SGCZ: variants seen among roughly 807,000 people sequenced by gnomAD.
SGCZ encodes sarcoglycan zeta.
In SGCZ, 40 loss-of-function variants were observed where a neutral mutation model predicts 41.3. That is an observed-to-expected ratio of 0.97 (90% CI 0.75 to 1.26). The LOEUF (loss-of-function observed/expected upper bound fraction) is 1.26. Among genes scored for constraint, SGCZ ranks in the 50% most tolerant of loss-of-function variants. SGCZ has a pLI of 0.00. For synonymous variants in SGCZ, 206 were observed against 137.5 expected (o/e 1.50, Z -3.49); for missense variants, 552 against 369.8 (o/e 1.49, Z -4.04).
At chr8:14,249,958 T>G (rs141219215) in intron 3 of SGCZ, among the ~76,000 whole-genome samples, 1 of 152,282 alleles carries the variant, frequency 6.6e-6, no homozygotes, top group East Asian at 1.9e-4. Context: ...TCAGACCAAA[T>G]AGCACAAGAC....
At chr8:14,535,842 A>T (rs1803277905) in intron 2 of SGCZ, among the ~76,000 whole-genome samples, 1 of 151,844 alleles carries the variant, frequency 6.6e-6, no homozygotes, top group African/African-American at 2.4e-5. Flanking sequence ...TTAGAGAAAA[A>T]TTCATGAAGT....
intron 1 of SGCZ, among the ~76,000 whole-genome samples, chr8:15,094,649 T>C (rs1185515232): frequency 6.6e-6 from 1 of 152,138 alleles, no homozygotes; most frequent in Admixed American, 6.5e-5. Context: ...AGAAGAGTGA[T>C]ATGGTTCAGT....
chr8:14,914,271 T>C (rs1175522297), intron 1 of SGCZ, among the ~76,000 whole-genome samples: 1 of 149,634 alleles, frequency 6.7e-6, no homozygotes, highest in African/African-American at 2.6e-5. Context: ...TTAACTAATG[T>C]AATAAACAAA....
intron 1 of SGCZ, among the ~76,000 whole-genome samples, chr8:14,968,301 T>G (rs558673919): frequency 2.4e-4 from 36 of 152,238 alleles, no homozygotes; most frequent in African/African-American, 7.2e-4. Flanking sequence ...TTAAAATCAC[T>G]TGAACAGACC....
chr8:14,422,586 T>C (rs533024841), intron 2 of SGCZ, among the ~76,000 whole-genome samples: 38 of 152,340 alleles, frequency 2.5e-4, no homozygotes, highest in African/African-American at 8.9e-4. Flanking sequence ...CTTTTCTGCT[T>C]ACTGTAAAAC....
intron 1 of SGCZ, among the ~76,000 whole-genome samples, chr8:14,786,051 G>C (rs1022230438): frequency 7.6e-6 from 1 of 131,782 alleles, no homozygotes; most frequent in African/African-American, 3.7e-5. Flanking sequence ...AGACTTTATT[G>C]TCCTAATTTC....
At chr8:15,170,527 T>A (rs1799796180) in intron 1 of SGCZ, among the ~76,000 whole-genome samples, 1 of 152,176 alleles carries the variant, frequency 6.6e-6, no homozygotes, top group African/African-American at 2.4e-5. Flanking sequence ...GTGCCCCAAC[T>A]CTAAAGTGCT....
intron 2 of SGCZ, among the ~76,000 whole-genome samples, chr8:14,447,738 A>G (rs1371416021): frequency 6.6e-6 from 1 of 152,206 alleles, no homozygotes; most frequent in Non-Finnish European, 1.5e-5. Context: ...ATAAGTAGCC[A>G]GTGGAATGAA....
intron 4 of SGCZ, among the ~76,000 whole-genome samples, chr8:14,211,506 G>A (rs552179144): frequency 6.6e-6 from 1 of 152,238 alleles, no homozygotes; most frequent in Non-Finnish European, 1.5e-5. Context: ...AGAAACACCT[G>A]AGACTGGGTA....
intron 2 of SGCZ, among the ~76,000 whole-genome samples, chr8:14,467,090 TA>T: frequency 6.6e-6 from 1 of 152,054 alleles, no homozygotes; most frequent in African/African-American, 2.4e-5. Flanking sequence ...TTAATTCTTA[TA>T]GACTCTTCCC....
At chr8:14,240,758 T>A (rs73221119) in intron 3 of SGCZ, among the ~76,000 whole-genome samples, 169 of 152,340 alleles carry the variant, frequency 1.1e-3, no homozygotes, top group Non-Finnish European at 2.1e-3. Context: ...ACAAGTCACA[T>A]AATCATTTCT....
At chr8:14,692,218 C>G (rs1281926904) in intron 1 of SGCZ, among the ~76,000 whole-genome samples, 2 of 151,824 alleles carry the variant, frequency 1.3e-5, no homozygotes, top group African/African-American at 4.8e-5. Flanking sequence ...GAATTTCAAA[C>G]ACTTAAATCA....
At chr8:15,019,511 T>G (rs1803172177) in intron 1 of SGCZ, among the ~76,000 whole-genome samples, 1 of 152,148 alleles carries the variant, frequency 6.6e-6, no homozygotes, top group South Asian at 2.1e-4. Flanking sequence ...TTGACTCACC[T>G]GATTGATAAA....
chr8:14,433,763 G>T (rs959912121), intron 2 of SGCZ, among the ~76,000 whole-genome samples: 1 of 152,242 alleles, frequency 6.6e-6, no homozygotes, highest in East Asian at 1.9e-4. Context: ...ATTGTTCTTG[G>T]AATTATTTCT....
intron 1 of SGCZ, among the ~76,000 whole-genome samples, chr8:15,009,646 G>A (rs1192952907): frequency 1.3e-5 from 2 of 152,038 alleles, no homozygotes; most frequent in African/African-American, 2.4e-5. Context: ...CAATGATATC[G>A]AGAATAAGTC....
At chr8:14,271,789 C>G (rs193021514) in intron 3 of SGCZ, among the ~76,000 whole-genome samples, 15 of 152,264 alleles carry the variant, frequency 9.9e-5, no homozygotes, top group African/African-American at 3.6e-4. Context: ...TGATTCATAT[C>G]TACTGTAAGG....
intron 4 of SGCZ, among the ~76,000 whole-genome samples, chr8:14,169,483 T>A (rs1317997492): frequency 6.6e-6 from 1 of 152,126 alleles, no homozygotes; most frequent in Non-Finnish European, 1.5e-5. Flanking sequence ...CCTTACTTGA[T>A]CTTTTAGGAG....
At chr8:14,493,965 G>T (rs915669226) in intron 2 of SGCZ, among the ~76,000 whole-genome samples, 1 of 152,088 alleles carries the variant, frequency 6.6e-6, no homozygotes, top group East Asian at 1.9e-4. Context: ...TGATTCCAGA[G>T]ATTGAGAAAA....
chr8:14,616,023 C>T (rs2117354292), intron 1 of SGCZ, among the ~76,000 whole-genome samples: 1 of 152,234 alleles, frequency 6.6e-6, no homozygotes, highest in South Asian at 2.1e-4. Context: ...GTGGCTCAGG[C>T]CTGTAATCCC....
Sources: gnomAD v4.1 joint callset for allele counts (sites outside exome capture counted in the v4.1 genomes callset) on GRCh38, gnomAD v4.1.1 for gene constraint, MANE v1.5 for transcripts, NCBI Gene and HGNC (gene_info 2026-07-23, HGNC 2026-07-21) for gene names.